The following NPR1 variants were observed in gnomAD, a reference collection of about 807,000 sequenced individuals.
The protein encoded by NPR1 is atrial natriuretic peptide receptor 1.
In NPR1, 57 loss-of-function variants were observed where a neutral mutation model predicts 116.9. That is an observed-to-expected ratio of 0.49 (90% CI 0.39 to 0.61). The LOEUF is 0.61. Ranked by LOEUF, NPR1 falls within the 20% of genes least tolerant of loss-of-function variation. The pLI is 0.00. For missense variants in NPR1, 1,096 were observed against 1,409.8 expected, an observed-to-expected ratio of 0.78 and a Z score of 3.56; for synonymous variants, 555 against 601.6, an observed-to-expected ratio of 0.92 and a Z score of 1.13.
Position 153,683,498 on chromosome 1 carries a change from AGCAT to A in NPR1, c.1390_1393del (p.Cys464ThrfsTer23). 1 of 1,614,210 alleles carries A rather than the reference AGCAT, an allele frequency of 6.2e-7. No individual in the cohort carries two copies. Among genetic ancestry groups the A allele is most frequent in the Non-Finnish European group, 8.5e-7 (1 of 1,180,024 alleles). ...AATGTGGCTTTGACAACGAAGACCC[AGCAT>A]GCAACCAAGGTGACTGCCCCTTGCC... On this transcript the variant is annotated frameshift_variant, in exon 6 of 22. Transcript: ENST00000368680. LOFTEE classifies it high-confidence loss of function.
rs1669742725 is a variant in NPR1, at chr1:153,680,619, G to T, written c.840G>T (p.Leu280=). ...FFHLDIFGQS[L]QGGQGPAPRR... The stretch of plus-strand genomic sequence containing the variant: ...ACCTGGATATCTTTGGGCAAAGCCT[G>T]CAAGGTGGACAGGGCCCTGCTCCCC... The change falls in exon 2 of 22, where the codon CTG becomes CTT. Residue 280 remains leucine, a synonymous_variant. Transcript: ENST00000368680. 6.2e-7 allele frequency: 1 copy of T among 1,614,192 alleles called. No individual in the cohort carries two copies. The highest frequency in any genetic ancestry group is 1.1e-5 in the South Asian group (1 of 91,086).
chr1:153,690,389 T>C lies in NPR1; in HGVS notation c.3031+7T>C, dbSNP rs2101740254. On this transcript the variant is annotated splice_region_variant and intron_variant, in intron 20 of 21. Coordinates refer to ENST00000368680, the MANE Select transcript of NPR1 (RefSeq NM_000906.4). ...ATGGAGTCTAATGGGGAAGGTACAG[T>C]GCCCCCTCCTAGAGGGAATGGGGAG... The C allele has an allele frequency of 6.5e-7, 1 of 1,549,872 alleles. No individual in the cohort carries two copies. The highest frequency in any genetic ancestry group is 8.7e-7 in the Non-Finnish European group (1 of 1,144,288).
chr1:153,685,743 A>G, intron 8 of NPR1, 63 bp from the exon 9 acceptor site: 1 of 1,258,926 alleles, frequency 7.9e-7, no homozygotes, highest in Non-Finnish European at 1.2e-6. Context: ...ACCAGAGCAC[A>G]AGCAATCAGG....
Position 153,689,362 on chromosome 1 carries a change from C to G in NPR1, c.2688+51C>G. ...CCAGGCAAGCTCAGCATCTGGATCC[C>G]ACCAGACCTGCCTTCTGGTTCTGCT... On this transcript the variant is annotated intron_variant, in intron 17 of 21. Transcript: ENST00000368680. This position sits in a 1 kb window ranked among gnomAD's most constrained non-coding sequence, Gnocchi z 5.1. 1 of 1,614,022 alleles carries G rather than the reference C, an allele frequency of 6.2e-7. No homozygotes were observed. The highest frequency in any genetic ancestry group is 8.5e-7 in the Non-Finnish European group (1 of 1,179,912).
chr1:153,685,872 T>C lies in NPR1; in HGVS notation c.1672T>C (p.Tyr558His), dbSNP rs913422992. ...GQFQVFAKTA[Y>H]YKGNLVAVKR... is the part of the protein sequence containing the mutation. The stretch of plus-strand genomic sequence containing the variant: ...GTTCCAAGTCTTTGCCAAGACAGCA[T>C]ATTATAAGGTGGGCCTGGGGAAAGA... The change falls in exon 9 of 22, where the codon TAT becomes CAT. Residue 558 changes from tyrosine to histidine, a missense_variant. Physicochemically the swap from Tyr to His is moderately conservative, Grantham distance 83. Transcript: ENST00000368680. 5 of 1,613,186 alleles carry C rather than the reference T, an allele frequency of 3.1e-6. No individual in the cohort carries two copies. Among genetic ancestry groups the C allele is most frequent in the Non-Finnish European group, 4.2e-6 (5 of 1,179,472 alleles).
rs1402689490 is a variant in NPR1, at chr1:153,679,789, C to G, written c.681C>G (p.His227Gln). The change falls in exon 1 of 22, where the codon CAC becomes CAG. Residue 227 changes from histidine to glutamine, a missense_variant. His to Gln is a conservative substitution (Grantham distance 24, BLOSUM62 0). Transcript: ENST00000368680. This position sits in a 1 kb window ranked among gnomAD's most constrained non-coding sequence, Gnocchi z 4.2. ...HLEFAEDDLS[H>Q]YTRLLRTMPR... ...AGTTCGCCGAGGACGACCTCAGCCA[C>G]TACACCAGGCTGCTGCGGACCATGC... 1.9e-6 allele frequency: 3 copies of G among 1,552,794 alleles called. No individual in the cohort carries two copies. Among genetic ancestry groups the G allele is most frequent in the South Asian group, 2.3e-5 (2 of 85,228 alleles).
At position 153,679,537 on chromosome 1, in the gene NPR1, G is replaced by T. The variant is rs149697676; in HGVS notation, c.429G>T (p.Ala143=). 2.6e-6 allele frequency: 4 copies of T among 1,539,816 alleles called. No homozygotes were observed. The highest frequency in any genetic ancestry group is 1.2e-5 in the South Asian group (1 of 84,402). ...RVPLLTAGAP[A]LGFGVKDEYA... ...CGCTGCTGACCGCCGGCGCCCCGGC[G>T]CTGGGCTTCGGTGTCAAGGACGAGT... The change falls in exon 1 of 22, where the codon GCG becomes GCT. Residue 143 remains alanine (A), a synonymous_variant. Coordinates refer to ENST00000368680, the MANE Select transcript of NPR1 (RefSeq NM_000906.4). This position sits in a 1 kb window ranked among gnomAD's most constrained non-coding sequence, Gnocchi z 4.2.
In NPR1 at chr1:153,683,495, C is replaced by T. The variant is rs1669841285; in HGVS notation, c.1383C>T (p.Asp461=). The change falls in exon 6 of 22, where the codon GAC becomes GAT. Residue 461 remains aspartate, a synonymous_variant. Coordinates refer to ENST00000368680, the MANE Select transcript of NPR1 (RefSeq NM_000906.4). The part of the protein sequence containing the change: ...DIPKCGFDNE[D]PACNQDHLST... ...CCAAATGTGGCTTTGACAACGAAGA[C>T]CCAGCATGCAACCAAGGTGACTGCC... The T allele has an allele frequency of 6.2e-7, 1 of 1,614,044 alleles. No homozygotes were observed. Among genetic ancestry groups the T allele is most frequent in the African/African-American group, 1.3e-5 (1 of 74,924 alleles).
chr1:153,689,935 C>A lies in NPR1; in HGVS notation c.2887C>A (p.His963Asn). The change falls in exon 19 of 22, where the codon CAC becomes AAC. Residue 963 changes from histidine to asparagine, a missense_variant. Physicochemically the swap from His to Asn is moderately conservative, Grantham distance 68 (BLOSUM62 1). Transcript: ENST00000368680. This position sits in a 1 kb window ranked among gnomAD's most constrained non-coding sequence, Gnocchi z 5.1. ...LDAVRSFRIR[H>N]RPQEQLRLRI... The stretch of plus-strand genomic sequence containing the variant: ...TGCTGTGCGCTCCTTCCGAATCCGC[C>A]ACCGGCCCCAGGAGCAGCTGCGCTT... 1 of 1,550,074 alleles carries A rather than the reference C, an allele frequency of 6.5e-7. No homozygotes were observed. The highest frequency in any genetic ancestry group is 8.7e-7 in the Non-Finnish European group (1 of 1,145,118).
At chr1:153,686,812 C>T (rs1669943984) in intron 11 of NPR1, 62 bp downstream of exon 11, 2 of 1,454,620 alleles carry the variant, frequency 1.4e-6, no homozygotes, top group Admixed American at 1.8e-5. Context: ...CCCTGACTGG[C>T]CATAAGACCC....
chr1:153,691,895 AAAAG>A (rs1188699765), intron 20 of NPR1, among the ~76,000 whole-genome samples: 1 of 152,044 alleles, frequency 6.6e-6, no homozygotes, highest in Non-Finnish European at 1.5e-5. Context: ...TCAAAAAAAA[AAAAG>A]AGAGAAAGAA....
chr1:153,681,332 A>G (rs377422090), intron 3 of NPR1, 39 bp downstream of exon 3: 29 of 1,162,022 alleles, frequency 2.5e-5, no homozygotes, highest in Non-Finnish European at 3.6e-5. Context: ...GTGGACCTCC[A>G]GCCCCCACTC....
In NPR1 at chr1:153,690,294, T is replaced by A. The variant is rs1216093772; in HGVS notation, c.2943T>A (p.Cys981Ter). 2 of 1,557,946 alleles carry A rather than the reference T, an allele frequency of 1.3e-6. No homozygotes were observed. Among genetic ancestry groups the A allele is most frequent in the East Asian group, 2.4e-5 (1 of 41,984 alleles). ...CCTTGCTCCTCCCAGGACCTGTGTGTGCTGGAGTGGTGGGACTGAAGATGC... is the reference window on the plus strand; with the variant it reads ...CCTTGCTCCTCCCAGGACCTGTGTGAGCTGGAGTGGTGGGACTGAAGATGC... Reference protein sequence around the residue: ...LRIGIHTGPVCAGVVGLKMPR... With the variant: ...LRIGIHTGPV The change falls in exon 20 of 22, where the codon TGT (cysteine) becomes TGA (stop). Residue 981 changes from cysteine to a stop codon, truncating the protein, a stop_gained. Coordinates refer to ENST00000368680, the MANE Select transcript of NPR1 (RefSeq NM_000906.4). LOFTEE classifies it high-confidence loss of function.
In NPR1 at chr1:153,679,733, G is replaced by A; in HGVS notation, c.625G>A (p.Asp209Asn). 1 of 1,603,022 alleles carries A rather than the reference G, an allele frequency of 6.2e-7. No homozygotes were observed. Among genetic ancestry groups the A allele is most frequent in the Non-Finnish European group, 8.5e-7 (1 of 1,177,352 alleles). ...GGAGGGGCTGTTCATGCGGGTCCGC[G>A]ACCGCCTCAATATTACGGTGGACCA... ...LVEGLFMRVR[D>N]RLNITVDHLE... is the part of the protein sequence containing the mutation. The change falls in exon 1 of 22, where the codon GAC (aspartate) becomes AAC (asparagine). Residue 209 changes from aspartate to asparagine, a missense_variant. Transcript: ENST00000368680. The surrounding 1 kb of genome is among the most constrained non-coding windows in gnomAD (Gnocchi z 4.2).
At chr1:153,687,477 A>T in intron 13 of NPR1, 121 bp downstream of exon 13, 1 of 1,486,572 alleles carries the variant, frequency 6.7e-7, no homozygotes. Flanking sequence ...TCATTCACCC[A>T]TGAAAAAGGG....
rs1311925093 is a variant in NPR1, at chr1:153,679,187, C to T, written c.79C>T (p.Leu27Phe). 6.6e-7 allele frequency: 1 copy of T among 1,511,292 alleles called. No individual in the cohort carries two copies. The highest frequency in any genetic ancestry group is 2.1e-5 in the Admixed American group (1 of 48,266). The allele number at this position is 1,511,292 out of a possible 1,614,324, so 93.6% of individuals were successfully genotyped here. Residue 27 changes from leucine to phenylalanine, a missense_variant, in exon 1 of 22, where the codon CTC becomes TTC. By Grantham distance (22) the Leu-to-Phe change is conservative. Coordinates refer to ENST00000368680, the MANE Select transcript of NPR1 (RefSeq NM_000906.4). The surrounding 1 kb of genome is among the most constrained non-coding windows in gnomAD (Gnocchi z 4.2). ...LLLLPPLLLL[L>F]RGSHAGNLTV... ...GCTGCTGCCGCCGCTGCTGCTGCTG[C>T]TCCGGGGCAGCCACGCGGGCAACCT...
At chr1:153,691,975 T>G (rs533702052) in intron 20 of NPR1, among the ~76,000 whole-genome samples, 1 of 151,566 alleles carries the variant, frequency 6.6e-6, no homozygotes, top group East Asian at 1.9e-4. Flanking sequence ...ACCCCAGAAG[T>G]AGGGACATGA....
chr1:153,685,981 G>GAGC, intron 9 of NPR1, 101 bp downstream of exon 9: 1 of 1,402,702 alleles, frequency 7.1e-7, no homozygotes, highest in Non-Finnish European at 1.0e-6. Context: ...AGCTGGTGGG[G>GAGC]AGCAGCAGAT....
rs1669713348 is a variant in NPR1 at position 153,679,862 on chromosome 1, A to T, written c.721+33A>T. On this transcript the variant is annotated intron_variant, in intron 1 of 21. Transcript: ENST00000368680. This position sits in a 1 kb window ranked among gnomAD's most constrained non-coding sequence, Gnocchi z 4.2. ...GCTGGCACACCCCGTCCCGCCGCTT[A>T]GCCGCAGGGCCTCCCCTCTGACCTG... 2 of 1,532,176 alleles carry T rather than the reference A, an allele frequency of 1.3e-6. No homozygotes were observed. Among genetic ancestry groups the T allele is most frequent in the East Asian group, 2.5e-5 (1 of 40,782 alleles). The allele number at this position is 1,532,176 out of a possible 1,614,324, so 94.9% of individuals were successfully genotyped here. A position where few individuals can be genotyped will look rare whatever the true frequency, so the allele number is the denominator to read the frequency against.
Sources: allele counts gnomAD v4.1 joint callset (sites outside exome capture counted in the v4.1 genomes callset), GRCh38; gene constraint gnomAD v4.1.1; non-coding constraint Gnocchi (gnomAD v3.1); transcripts MANE v1.5; gene names NCBI Gene and HGNC (gene_info 2026-07-23, HGNC 2026-07-21).